The following MSRA variants were observed in gnomAD, a reference collection of about 807,000 sequenced individuals.
The protein encoded by MSRA is mitochondrial peptide methionine sulfoxide reductase.
In MSRA, 54 loss-of-function variants were observed where a neutral mutation model predicts 31.3. The observed-to-expected ratio is 1.73, with a 90% CI of 1.39 to 2.17. The LOEUF (loss-of-function observed/expected upper bound fraction) is 2.17. Among genes scored for constraint, MSRA ranks in the 30% most tolerant of loss-of-function variants. MSRA has a pLI of 0.00. For synonymous variants in MSRA, 169 were observed against 116.5 expected (o/e 1.45, Z -2.90); for missense variants, 507 against 300.9 (o/e 1.69, Z -5.07).
intron 5 of MSRA, among the ~76,000 whole-genome samples, chr8:10,328,068 C>A (rs545436450): frequency 8.6e-6 from 1 of 116,012 alleles, no homozygotes; most frequent in East Asian, 2.6e-4. Flanking sequence ...CAGTGACACT[C>A]TGAGTGTAAA....
At chr8:10,256,552 G>A (rs1352326480) in intron 3 of MSRA, among the ~76,000 whole-genome samples, 1 of 152,166 alleles carries the variant, frequency 6.6e-6, no homozygotes, top group Non-Finnish European at 1.5e-5. Context: ...CTGATATCAG[G>A]CAACTGGGGG....
intron 3 of MSRA, among the ~76,000 whole-genome samples, chr8:10,262,909 C>T (rs1020864621): frequency 6.6e-6 from 1 of 152,194 alleles, no homozygotes; most frequent in Non-Finnish European, 1.5e-5. Flanking sequence ...TTTGGCCTCT[C>T]ATTTTTTGCC....
intron 3 of MSRA, among the ~76,000 whole-genome samples, chr8:10,270,079 G>T (rs1798950168): frequency 6.6e-6 from 1 of 152,184 alleles, no homozygotes; most frequent in African/African-American, 2.4e-5. Flanking sequence ...AAAAAGTTTT[G>T]TAGTTGCTAT....
At chr8:10,231,691 T>C (rs530791176) in intron 2 of MSRA, among the ~76,000 whole-genome samples, 1 of 152,160 alleles carries the variant, frequency 6.6e-6, no homozygotes, top group African/African-American at 2.4e-5. Context: ...TTACCTGAGG[T>C]CAGGAGTTCA....
At chr8:10,324,561 C>T (rs1802253787) in intron 5 of MSRA, among the ~76,000 whole-genome samples, 1 of 152,220 alleles carries the variant, frequency 6.6e-6, no homozygotes, top group Admixed American at 6.5e-5. Context: ...ACCAAAGTGT[C>T]TCTTTGTGTA....
chr8:10,425,037 G>A (rs1348553284), intron 5 of MSRA, among the ~76,000 whole-genome samples: 1 of 152,206 alleles, frequency 6.6e-6, no homozygotes, highest in Non-Finnish European at 1.5e-5. Flanking sequence ...TGAGGCAGCG[G>A]ACGAAGGGGG....
Position 10,054,639 on chromosome 8 carries a change from G to C in MSRA, c.123G>C (p.Lys41Asn), listed in dbSNP as rs780045820. Residue 41 changes from lysine to asparagine, a missense_variant, in exon 1 of 6, where the codon AAG becomes AAC. Physicochemically the swap from Lys to Asn is moderately conservative, Grantham distance 94. Coordinates refer to ENST00000317173, the MANE Select transcript of MSRA (RefSeq NM_012331.5). ...CCCAGGAGGCCTTGCCGGGCCGGAA[G>C]GAACAGACCCCTGTAGCGGGTAAGC... ...VSPQEALPGR[K>N]EQTPVAAKHH... 1 of 1,571,582 alleles carries C rather than the reference G, an allele frequency of 6.4e-7. No homozygotes were observed. The highest frequency in any genetic ancestry group is 1.1e-5 in the South Asian group (1 of 87,218).
intron 1 of MSRA, among the ~76,000 whole-genome samples, chr8:10,155,915 A>G (rs1014470571): frequency 3.3e-5 from 5 of 152,276 alleles, no homozygotes; most frequent in African/African-American, 1.2e-4. Flanking sequence ...TTCAGGATGG[A>G]TGTGAAAACT....
rs576144576 is a variant in MSRA, at chr8:10,409,786, G to T, written c.544-18362G>T. Among the ~76,000 whole-genome samples the T allele has an allele frequency of 2.6e-5, 4 of 152,366 alleles. No homozygotes were observed. In the South Asian group the frequency reaches 8.3e-4, roughly 32 times the overall value. ...CAAGATATTTCTTCATAGAAGCTGG[G>T]CACAGCGGCCCATGCCTGTAATGTC... On this transcript the variant is annotated intron_variant, in intron 5 of 5. Transcript: ENST00000317173.
chr8:10,106,490 CTG>C (rs1000576277), intron 1 of MSRA, among the ~76,000 whole-genome samples: 69 of 152,282 alleles, frequency 4.5e-4, no homozygotes, highest in Admixed American at 1.4e-3. Flanking sequence ...AAAATAATGA[CTG>C]TTGTTTAATT....
At chr8:10,222,377 A>C (rs1324756149) in intron 2 of MSRA, among the ~76,000 whole-genome samples, 1 of 152,192 alleles carries the variant, frequency 6.6e-6, no homozygotes, top group African/African-American at 2.4e-5. Flanking sequence ...AAAGATGGCA[A>C]GTGTTGGTGA....
chr8:10,081,646 C>T (rs1363013906), intron 1 of MSRA, among the ~76,000 whole-genome samples: 3 of 152,104 alleles, frequency 2.0e-5, no homozygotes, highest in Non-Finnish European at 2.9e-5. Flanking sequence ...CCCACAACGA[C>T]GCCTGACAAA....
intron 1 of MSRA, among the ~76,000 whole-genome samples, chr8:10,198,044 A>C (rs1189587282): frequency 6.6e-6 from 1 of 151,968 alleles, no homozygotes; most frequent in Non-Finnish European, 1.5e-5. Context: ...AGAAGAGAAC[A>C]CGTAGTATTT....
At chr8:10,210,567 T>C (rs1809387683) in intron 2 of MSRA, among the ~76,000 whole-genome samples, 1 of 152,180 alleles carries the variant, frequency 6.6e-6, no homozygotes, top group South Asian at 2.1e-4. Flanking sequence ...TATCATGCTT[T>C]TCCATTTGAC....
At chr8:10,234,619 T>C (rs1431838449) in intron 2 of MSRA, among the ~76,000 whole-genome samples, 1 of 151,934 alleles carries the variant, frequency 6.6e-6, no homozygotes, top group African/African-American at 2.4e-5. Context: ...AGTAAATATA[T>C]TAAAATTACT....
intron 1 of MSRA, among the ~76,000 whole-genome samples, chr8:10,055,015 C>G (rs980227143): frequency 6.6e-6 from 1 of 152,210 alleles, no homozygotes; most frequent in Non-Finnish European, 1.5e-5. Context: ...CGGCGCTGTG[C>G]CTGCGCCCTC....
chr8:10,367,699 C>T (rs1464428704), intron 5 of MSRA, among the ~76,000 whole-genome samples: 2 of 152,332 alleles, frequency 1.3e-5, no homozygotes, highest in Admixed American at 1.3e-4. Context: ...GCAAGGGCTC[C>T]GATCGCGGGC....
chr8:10,226,337 T>C (rs1810998453), intron 2 of MSRA, among the ~76,000 whole-genome samples: 1 of 152,198 alleles, frequency 6.6e-6, no homozygotes, highest in South Asian at 2.1e-4. Context: ...TCTGCTGATG[T>C]TTTACTGCTT....
chr8:10,120,483 T>C (rs1801028848), intron 1 of MSRA, among the ~76,000 whole-genome samples: 1 of 152,220 alleles, frequency 6.6e-6, no homozygotes, highest in Non-Finnish European at 1.5e-5. Context: ...TGTGTATGGC[T>C]CAGTCACTTC....
Sources: allele counts gnomAD v4.1 joint callset (sites outside exome capture counted in the v4.1 genomes callset), GRCh38; gene constraint gnomAD v4.1.1; transcripts MANE v1.5; gene names NCBI Gene and HGNC (gene_info 2026-07-23, HGNC 2026-07-21).